DTNA: variants seen among roughly 807,000 people sequenced by gnomAD.
DTNA encodes the protein dystrophin-related protein 3.
DTNA carries 43 observed loss-of-function variants against 100.7 expected under a neutral mutation model. The ratio of observed to expected loss-of-function variants is 0.43; its 90% CI spans 0.33 to 0.55. The LOEUF (loss-of-function observed/expected upper bound fraction) is 0.55. Among genes scored for constraint, DTNA ranks in the 20% least tolerant of loss-of-function variants. DTNA has a pLI of 0.04. For synonymous variants in DTNA, 349 were observed against 347.9 expected (o/e 1.00, Z -0.04); for missense variants, 798 against 953.9 (o/e 0.84, Z 2.15).
At position 34,546,763 on chromosome 18, in the gene DTNA, C is replaced by CTT. The variant is rs775681576; in HGVS notation, c.-2+53258_-2+53259dup. ...TGTAATTTTCTTTCTTTCTTTCTTT[C>CTT]TTTTTTTTTTATCTCAGCTCACTGC... On this transcript the variant is annotated intron_variant, in intron 1 of 19. Coordinates refer to the DTNA transcript ENST00000283365. Among the ~76,000 whole-genome samples, 14 of 148,558 alleles carry CTT rather than the reference C, an allele frequency of 9.4e-5. No individual in the cohort carries two copies. In the East Asian group the frequency reaches 2.8e-3, roughly 29 times the overall value.
At chr18:34,681,840 G>T (rs1036096384) in intron 1 of DTNA, among the ~76,000 whole-genome samples, 2 of 151,848 alleles carry the variant, frequency 1.3e-5, no homozygotes, top group African/African-American at 2.4e-5. Flanking sequence ...TTACATTAGG[G>T]TACATTCTTG....
chr18:34,809,693 CCTTATTGTTGGTGAA>C (rs2095443714), intron 5 of DTNA, among the ~76,000 whole-genome samples: 1 of 152,050 alleles, frequency 6.6e-6, no homozygotes. Context: ...CCAGCTACTC[CCTTATTGTTGGTGAA>C]CACAGAGCAA....
At chr18:34,824,912 A>C (rs2095820254) in intron 9 of DTNA, among the ~76,000 whole-genome samples, 1 of 148,600 alleles carries the variant, frequency 6.7e-6, no homozygotes, top group Admixed American at 6.7e-5. Flanking sequence ...TTAACATTTT[A>C]CAGGTAGCCT....
chr18:34,577,931 GTT>G (rs35293190), intron 1 of DTNA, among the ~76,000 whole-genome samples: 19 of 139,504 alleles, frequency 1.4e-4, no homozygotes, highest in Admixed American at 2.9e-4. Context: ...ACATGTGCAA[GTT>G]TTTTTTTTTT....
chr18:34,700,873 C>T (rs1349580686), intron 1 of DTNA, among the ~76,000 whole-genome samples: 1 of 152,222 alleles, frequency 6.6e-6, no homozygotes, highest in Non-Finnish European at 1.5e-5. Context: ...ATTAGATAGA[C>T]TCCCTCTTCC....
At chr18:34,673,787 A>G (rs920140057) in intron 1 of DTNA, among the ~76,000 whole-genome samples, 6 of 152,136 alleles carry the variant, frequency 3.9e-5, no homozygotes, top group Admixed American at 1.3e-4. Context: ...TCTCTGCTTT[A>G]TCTTACTTTA....
chr18:34,824,639 A>G (rs184435551), intron 9 of DTNA, among the ~76,000 whole-genome samples: 86 of 152,332 alleles, frequency 5.6e-4, no homozygotes, highest in Non-Finnish European at 9.0e-4. Flanking sequence ...GCATTATAAG[A>G]TACAAATAAA....
chr18:34,625,466 C>T (rs944718969), intron 1 of DTNA, among the ~76,000 whole-genome samples: 31 of 152,212 alleles, frequency 2.0e-4, no homozygotes, highest in Non-Finnish European at 2.9e-4. Context: ...AGCCACTGCG[C>T]CCGGCCAGGG....
intron 17 of DTNA, among the ~76,000 whole-genome samples, chr18:34,871,021 G>A (rs1288996099): frequency 1.3e-5 from 2 of 152,276 alleles, no homozygotes; most frequent in African/African-American, 4.8e-5. Flanking sequence ...ATAAAAACAG[G>A]GCTGAATGCT....
At chr18:34,858,196 T>A in intron 15 of DTNA, 89 bp from the exon 16 acceptor site, 2 of 1,190,840 alleles carry the variant, frequency 1.7e-6, no homozygotes. Context: ...ATCCCTTCTC[T>A]CTTTGTTCTG....
Position 34,625,901 on chromosome 18 carries a change from C to T in DTNA, c.-1-130075C>T, listed in dbSNP as rs114313659. Among the ~76,000 whole-genome samples the T allele has an allele frequency of 3.5e-3, 526 of 152,218 alleles. 6 individuals are homozygous for T. The highest frequency in any genetic ancestry group is 0.012 in the African/African-American group (495 of 41,532). Reference sequence around the variant, plus strand: ...CCATGAACCTCAGAGACTGACCTGGCCAAAGCATGAGGTCTTCTTTGGGGA... The same window carrying T: ...CCATGAACCTCAGAGACTGACCTGGTCAAAGCATGAGGTCTTCTTTGGGGA... On this transcript the variant is annotated intron_variant, in intron 1 of 19. Coordinates refer to the DTNA transcript ENST00000283365.
intron 1 of DTNA, among the ~76,000 whole-genome samples, chr18:34,514,481 A>G (rs1361209874): frequency 6.6e-6 from 1 of 152,174 alleles, no homozygotes; most frequent in Non-Finnish European, 1.5e-5. Flanking sequence ...ATGGTGAATC[A>G]CAGTGACTTT....
At chr18:34,646,405 A>G (rs2059842090) in intron 1 of DTNA, among the ~76,000 whole-genome samples, 1 of 152,216 alleles carries the variant, frequency 6.6e-6, no homozygotes, top group Admixed American at 6.5e-5. Context: ...TTTTATTGTG[A>G]AAAAGGGCAT....
intron 1 of DTNA, among the ~76,000 whole-genome samples, chr18:34,528,835 CAT>C (rs2042887930): frequency 6.6e-6 from 1 of 152,040 alleles, no homozygotes; most frequent in African/African-American, 2.4e-5. Context: ...GCCATATTTA[CAT>C]AGTTGATACC....
At chr18:34,707,471 G>A (rs1376311935), upstream of DTNA, among the ~76,000 whole-genome samples, 1 of 151,888 alleles carries the variant, frequency 6.6e-6, no homozygotes, top group Non-Finnish European at 1.5e-5. Context: ...ATTCCCTAGG[G>A]GTTAAAGAAT....
At chr18:34,722,931 CT>C (rs1238255521) in intron 1 of DTNA, among the ~76,000 whole-genome samples, 1 of 152,106 alleles carries the variant, frequency 6.6e-6, no homozygotes, top group Non-Finnish European at 1.5e-5. Flanking sequence ...ATCCATTCAT[CT>C]TTGATTAACA....
chr18:34,713,406 T>C (rs2083291233), intron 1 of DTNA, among the ~76,000 whole-genome samples: 1 of 152,184 alleles, frequency 6.6e-6, no homozygotes, highest in South Asian at 2.1e-4. Context: ...TTTTGTTCAA[T>C]AAGCGATAGA....
chr18:34,675,393 C>G (rs373666283), intron 1 of DTNA, among the ~76,000 whole-genome samples: 1 of 151,962 alleles, frequency 6.6e-6, no homozygotes, highest in African/African-American at 2.4e-5. Context: ...TTAGGCTACC[C>G]GTTCTTGAAT....
intron 1 of DTNA, among the ~76,000 whole-genome samples, chr18:34,527,075 T>G (rs2145387916): frequency 6.6e-6 from 1 of 152,184 alleles, no homozygotes; most frequent in East Asian, 1.9e-4. Context: ...TTCTTCCCAC[T>G]CTGTTCTCTC....
Sources: allele counts gnomAD v4.1 joint callset (sites outside exome capture counted in the v4.1 genomes callset), GRCh38; gene constraint gnomAD v4.1.1; transcripts MANE v1.5; gene names NCBI Gene and HGNC (gene_info 2026-07-23, HGNC 2026-07-21).